The following PSMD1 variants were observed in gnomAD, a reference collection of about 807,000 sequenced individuals.
PSMD1 encodes 26S proteasome non-ATPase regulatory subunit 1.
Under a neutral mutation model 119.0 loss-of-function variants are expected in PSMD1, and 18 were observed. The ratio of observed to expected loss-of-function variants is 0.15; its 90% CI spans 0.10 to 0.22. PSMD1 has a LOEUF of 0.22. Ranked by LOEUF, PSMD1 falls within the 10% of genes least tolerant of loss-of-function variation. The pLI, the probability that PSMD1 is intolerant of heterozygous loss-of-function variation, is 1.00. For missense variants in PSMD1, 702 were observed against 1,158.5 expected (o/e 0.61, Z 5.72); for synonymous variants, 374 against 396.6 (o/e 0.94, Z 0.68).
intron 18 of PSMD1, among the ~76,000 whole-genome samples, chr2:231,151,104 T>G (rs1371652676): frequency 6.6e-6 from 1 of 152,212 alleles, no homozygotes; most frequent in Non-Finnish European, 1.5e-5. Context: ...AATTGTCTTT[T>G]TTTGTGAGAT....
chr2:231,122,137 T>G (rs1260992473), intron 16 of PSMD1, among the ~76,000 whole-genome samples: 1 of 152,136 alleles, frequency 6.6e-6, no homozygotes, highest in Non-Finnish European at 1.5e-5. Context: ...AACAGGGAGA[T>G]AGAAAGACTG....
chr2:231,078,783 A>ATT (rs766768508), intron 10 of PSMD1, 36 bp downstream of exon 10: 4 of 1,158,814 alleles, frequency 3.5e-6, no homozygotes, highest in South Asian at 3.3e-5. Flanking sequence ...TTGGTTCAAA[A>ATT]TCTTTTTCTT....
chr2:231,072,497 C>G, intron 7 of PSMD1, 82 bp downstream of exon 7: 2 of 1,272,686 alleles, frequency 1.6e-6, no homozygotes, highest in East Asian at 2.3e-5. Flanking sequence ...TTATAGGAAG[C>G]ATATTCTAAG....
At chr2:231,099,824 G>T (rs577137249) in intron 16 of PSMD1, among the ~76,000 whole-genome samples, 1 of 151,946 alleles carries the variant, frequency 6.6e-6, no homozygotes, top group Admixed American at 6.6e-5. Context: ...AAGCCACCCC[G>T]ACCAAGGAGT....
At chr2:231,071,935 A>G (rs1475785992) in intron 6 of PSMD1, among the ~76,000 whole-genome samples, 1 of 152,218 alleles carries the variant, frequency 6.6e-6, no homozygotes, top group African/African-American at 2.4e-5. Flanking sequence ...AATGTTGAAT[A>G]CTGCTGATTA....
At chr2:231,143,187 GGGTTTGGTTTGGTTTGGTTT>G (rs3035542) in intron 17 of PSMD1, among the ~76,000 whole-genome samples, 4,682 of 145,266 alleles carry the variant, frequency 0.032, 103 homozygotes, top group South Asian at 0.075. Context: ...GGAACGTTGT[GGGTTTGGTTTGGTTTGGTTT>G]GGTTTGGTTT....
intron 8 of PSMD1, 122 bp downstream of exon 8, chr2:231,075,693 C>A: frequency 2.6e-6 from 2 of 773,994 alleles, no homozygotes; most frequent in Non-Finnish European, 4.1e-6. Context: ...TTTCCTCCCA[C>A]CTTAGCCTCC....
chr2:231,070,014 A>T lies in PSMD1; in HGVS notation c.511-11A>T, dbSNP rs377633830. 1 of 1,415,288 alleles carries T rather than the reference A, an allele frequency of 7.1e-7. No homozygotes were observed. The highest frequency in any genetic ancestry group is 9.3e-7 in the Non-Finnish European group (1 of 1,072,442). 87.7% of individuals were successfully genotyped at this position (1,415,288 alleles called of 1,614,324 possible). A position where few individuals can be genotyped will look rare whatever the true frequency, so the allele number is the denominator to read the frequency against. ...CCAGATAACGTTATATCTTTAAACTATCTCTTTCAGAATGATGTCCCAGGA... is the reference window on the plus strand; with the variant it reads ...CCAGATAACGTTATATCTTTAAACTTTCTCTTTCAGAATGATGTCCCAGGA... On this transcript the variant is annotated splice_polypyrimidine_tract_variant and intron_variant, in intron 5 of 24. Transcript: ENST00000308696.
intron 16 of PSMD1, among the ~76,000 whole-genome samples, chr2:231,131,803 C>T (rs1409187798): frequency 6.6e-6 from 1 of 150,990 alleles, no homozygotes; most frequent in Non-Finnish European, 1.5e-5. Context: ...TTTTTTTGCC[C>T]TTTTAGAGTT....
At chr2:231,078,322 C>T (rs1424804836) in intron 9 of PSMD1, among the ~76,000 whole-genome samples, 1 of 152,136 alleles carries the variant, frequency 6.6e-6, no homozygotes, top group East Asian at 1.9e-4. Context: ...CAGCACTGCT[C>T]CTCAGGTTAT....
intron 16 of PSMD1, among the ~76,000 whole-genome samples, chr2:231,130,406 A>G (rs1695826031): frequency 1.3e-5 from 2 of 152,338 alleles, no homozygotes; most frequent in South Asian, 4.1e-4. Context: ...TCCCTAAAAT[A>G]AAGTCCAGTG....
intron 16 of PSMD1, among the ~76,000 whole-genome samples, chr2:231,115,260 G>A (rs1324979982): frequency 6.6e-6 from 1 of 151,964 alleles, no homozygotes; most frequent in Non-Finnish European, 1.5e-5. Flanking sequence ...CAAGCATCAA[G>A]TAGGAGATTT....
At chr2:231,124,138 C>G (rs1223292900) in intron 16 of PSMD1, 1 of 242,484 alleles carries the variant, frequency 4.1e-6, no homozygotes, top group Non-Finnish European at 8.2e-6. Flanking sequence ...CCCCTAGATA[C>G]AAAATACATA....
intron 16 of PSMD1, among the ~76,000 whole-genome samples, chr2:231,091,441 C>T (rs1450648011): frequency 1.3e-5 from 2 of 152,164 alleles, no homozygotes; most frequent in African/African-American, 4.8e-5. Context: ...CTTTTCCCAC[C>T]ACCCTGACTG....
rs781291091 is a variant in PSMD1 at position 231,123,392 on chromosome 2, C to T, written c.1884-15344C>T. On this transcript the variant is annotated intron_variant, in intron 16 of 24. Coordinates refer to ENST00000308696, the MANE Select transcript of PSMD1 (RefSeq NM_002807.4). ...ATCATAGTTCTGTGGTTTGATGGCA[C>T]AAACAAAGTGAAATACTTACCAAAC... The T allele has an allele frequency of 1.7e-5, 26 of 1,559,544 alleles. No individual in the cohort carries two copies. In the African/African-American group the frequency reaches 2.2e-4, roughly 13 times the overall value.
chr2:231,057,337 C>T (rs1334615736), intron 1 of PSMD1, among the ~76,000 whole-genome samples: 1 of 152,190 alleles, frequency 6.6e-6, no homozygotes. Flanking sequence ...AAGGGCTTAC[C>T]TTTTTTCTGT....
At chr2:231,157,432 T>C (rs1309234495) in intron 19 of PSMD1, among the ~76,000 whole-genome samples, 1 of 146,898 alleles carries the variant, frequency 6.8e-6, no homozygotes, top group African/African-American at 2.5e-5. Flanking sequence ...TTCTTTTTCT[T>C]TTTTTTTTTT....
chr2:231,156,918 A>G (rs2125262872), intron 19 of PSMD1, among the ~76,000 whole-genome samples: 1 of 152,310 alleles, frequency 6.6e-6, no homozygotes, highest in Middle Eastern at 3.4e-3. Flanking sequence ...TCCTGAACTT[A>G]CTACTTATCC....
At chr2:231,074,210 A>G (rs1486700451) in intron 7 of PSMD1, among the ~76,000 whole-genome samples, 1 of 152,106 alleles carries the variant, frequency 6.6e-6, no homozygotes. Context: ...GGTTCAAGCA[A>G]TTCTCCTGCC....
Sources: allele counts gnomAD v4.1 joint callset (sites outside exome capture counted in the v4.1 genomes callset), GRCh38; gene constraint gnomAD v4.1.1; transcripts MANE v1.5; gene names NCBI Gene and HGNC (gene_info 2026-07-23, HGNC 2026-07-21).